KLF12: variants seen among roughly 807,000 people sequenced by gnomAD.
The protein encoded by KLF12 is KLF transcription factor 12, also known as Krueppel-like factor 12.
A neutral mutation model predicts 37.8 loss-of-function variants in KLF12; 9 were observed. The ratio of observed to expected loss-of-function variants is 0.24; its 90% CI spans 0.14 to 0.42. The LOEUF is 0.42. Among genes scored for constraint, KLF12 ranks in the 10% least tolerant of loss-of-function variants. The pLI, the probability that KLF12 is intolerant of heterozygous loss-of-function variation, is 1.00. For missense variants in KLF12, 411 were observed against 516.0 expected (o/e 0.80, Z 1.97); for synonymous variants, 208 against 202.1 (o/e 1.03, Z -0.25).
At chr13:74,178,754 A>G in the KLF12 span, among the ~76,000 whole-genome samples, 1 of 152,208 alleles carries the variant, frequency 6.6e-6, no homozygotes, top group South Asian at 2.1e-4. Flanking sequence ...CTATAGGCTG[A>G]CACTGAGCAT....
At chr13:74,033,615 T>C (rs765086427) in intron 1 of KLF12, among the ~76,000 whole-genome samples, 3 of 152,184 alleles carry the variant, frequency 2.0e-5, no homozygotes, top group Admixed American at 6.5e-5. Flanking sequence ...TAGCAAAGAA[T>C]TCAAAAAGAC....
At chr13:74,206,825 T>A in the KLF12 span, among the ~76,000 whole-genome samples, 1 of 152,144 alleles carries the variant, frequency 6.6e-6, no homozygotes, top group Non-Finnish European at 1.5e-5. Context: ...CCGAGAACAA[T>A]GTGAATTGAA....
the KLF12 span, among the ~76,000 whole-genome samples, chr13:74,290,057 A>G: frequency 6.6e-6 from 1 of 152,026 alleles, no homozygotes; most frequent in Non-Finnish European, 1.5e-5. Context: ...TCAGCTTCAT[A>G]CTCCTGAGTA....
intron 3 of KLF12, among the ~76,000 whole-genome samples, chr13:73,937,077 T>C (rs1280042623): frequency 1.3e-5 from 2 of 151,950 alleles, no homozygotes; most frequent in African/African-American, 2.4e-5. Flanking sequence ...ATAATCCCAG[T>C]TACTTGGGAG....
intron 1 of KLF12, among the ~76,000 whole-genome samples, chr13:74,063,001 C>T (rs996109836): frequency 2.0e-5 from 3 of 152,162 alleles, no homozygotes; most frequent in Admixed American, 6.5e-5. Flanking sequence ...GAGCCCCAGC[C>T]GGTGTGAAAT....
intron 4 of KLF12, among the ~76,000 whole-genome samples, chr13:73,818,198 C>T (rs898957526): frequency 1.4e-4 from 21 of 152,216 alleles, no homozygotes; most frequent in African/African-American, 4.3e-4. Context: ...TAGGCTGGAG[C>T]GCAATGGCGC....
At chr13:74,022,101 A>G (rs971484127) in intron 1 of KLF12, among the ~76,000 whole-genome samples, 3 of 152,168 alleles carry the variant, frequency 2.0e-5, no homozygotes, top group Non-Finnish European at 2.9e-5. Flanking sequence ...TATTCTAAAT[A>G]TACTGTCATT....
chr13:74,065,347 T>C (rs1873852955), intron 1 of KLF12, among the ~76,000 whole-genome samples: 1 of 152,168 alleles, frequency 6.6e-6, no homozygotes, highest in African/African-American at 2.4e-5. Context: ...AAAACACATA[T>C]ATTTTAAAGT....
At chr13:73,755,667 C>T (rs1879107990) in intron 6 of KLF12, among the ~76,000 whole-genome samples, 3 of 151,290 alleles carry the variant, frequency 2.0e-5, no homozygotes, top group Admixed American at 2.0e-4. Context: ...TAGTGTTTGG[C>T]TACATAAATA....
chr13:74,129,128 C>A (rs567079803), intron 1 of KLF12, among the ~76,000 whole-genome samples: 1 of 152,050 alleles, frequency 6.6e-6, no homozygotes, highest in Non-Finnish European at 1.5e-5. Context: ...TGCTCAAGTC[C>A]GTTATAAAAA....
chr13:74,046,603 G>A (rs1268735969), intron 1 of KLF12, among the ~76,000 whole-genome samples: 2 of 152,026 alleles, frequency 1.3e-5, no homozygotes, highest in Non-Finnish European at 2.9e-5. Context: ...CCCTTGGAGA[G>A]GATACTAGAA....
chr13:74,098,506 T>C (rs1876113453), intron 1 of KLF12, among the ~76,000 whole-genome samples: 1 of 152,250 alleles, frequency 6.6e-6, no homozygotes, highest in South Asian at 2.1e-4. Flanking sequence ...TATGATCTAA[T>C]GAAGGTCACT....
At chr13:73,798,495 G>C (rs1882118149) in intron 5 of KLF12, among the ~76,000 whole-genome samples, 2 of 152,128 alleles carry the variant, frequency 1.3e-5, no homozygotes, top group African/African-American at 4.8e-5. Context: ...TACAGAATGG[G>C]AGAAAATATT....
intron 3 of KLF12, among the ~76,000 whole-genome samples, chr13:73,877,730 T>C (rs1886784965): frequency 1.3e-5 from 2 of 152,178 alleles, no homozygotes; most frequent in South Asian, 2.1e-4. Context: ...TCATTAACTA[T>C]TGGCTTTGTA....
chr13:74,302,025 A>C, the KLF12 span, among the ~76,000 whole-genome samples: 3 of 152,198 alleles, frequency 2.0e-5, no homozygotes, highest in African/African-American at 7.2e-5. Flanking sequence ...ACCTCCAGGA[A>C]AAGATCTATC....
intron 1 of KLF12, among the ~76,000 whole-genome samples, chr13:74,069,321 C>T (rs767788290): frequency 1.3e-5 from 2 of 152,078 alleles, no homozygotes; most frequent in Non-Finnish European, 2.9e-5. Flanking sequence ...ACAAATCCCC[C>T]GCGAATATGA....
chr13:74,091,825 T>C lies in KLF12; in HGVS notation c.-32+41914A>G, dbSNP rs577402572. ...AATGTACACTATTTATTTTGGGTGA[T>C]AATACATCAATGTAGATTACTTAAT... is the stretch of plus-strand genomic sequence containing the variant. On this transcript the variant is annotated intron_variant, in intron 1 of 7. Transcript: ENST00000377669. 3.3e-5 allele frequency among the ~76,000 whole-genome samples: 5 copies of C among 152,284 alleles called. No individual in the cohort carries two copies. The South Asian group carries it at 1.0e-3, about 32-fold the overall frequency.
At chr13:74,097,600 G>C (rs1876051734) in intron 1 of KLF12, among the ~76,000 whole-genome samples, 1 of 152,062 alleles carries the variant, frequency 6.6e-6, no homozygotes, top group Admixed American at 6.6e-5. Context: ...ACCAAATTCA[G>C]ACACTGGAGA....
chr13:74,278,462 T>C, the KLF12 span, among the ~76,000 whole-genome samples: 1 of 152,212 alleles, frequency 6.6e-6, no homozygotes, highest in Non-Finnish European at 1.5e-5. Flanking sequence ...CAACTCTCTT[T>C]CCTTCTTCCA....
Sources: gnomAD v4.1 joint callset for allele counts (sites outside exome capture counted in the v4.1 genomes callset) on GRCh38, gnomAD v4.1.1 for gene constraint, MANE v1.5 for transcripts, NCBI Gene and HGNC (gene_info 2026-07-23, HGNC 2026-07-21) for gene names.